Variants in BRCC3 observed in about 807,000 individuals in gnomAD.
BRCC3 encodes lys-63-specific deubiquitinase BRCC36.
Under a neutral mutation model 28.0 loss-of-function variants are expected in BRCC3, and 15 were observed. The observed-to-expected ratio is 0.54, with a 90% CI of 0.36 to 0.82. The LOEUF (loss-of-function observed/expected upper bound fraction) is 0.82. BRCC3 is among the 40% of genes least tolerant of loss of function. The probability of loss-of-function intolerance (pLI) is 0.01; values close to 1 mark genes in which losing one functional copy is unlikely to be tolerated. For missense variants in BRCC3, 109 were observed against 225.9 expected (o/e 0.48, Z 3.32); for synonymous variants, 66 against 80.3 (o/e 0.82, Z 0.95).
chrX:155,114,299 C>A (rs1401399989), intron 7 of BRCC3, among the ~76,000 whole-genome samples: 2 of 111,335 alleles, frequency 1.8e-5, no homozygotes, highest in African/African-American at 3.3e-5. Context: ...AAACCTGTTA[C>A]AACCTACAGC....
chrX:155,081,121 A>G (rs1023416940), intron 5 of BRCC3, among the ~76,000 whole-genome samples: 3 of 111,252 alleles, frequency 2.7e-5, no homozygotes, highest in South Asian at 7.6e-4. Context: ...ACTTGAGGTC[A>G]GGAGTTGGAG....
At chrX:155,092,418 C>G (rs782027643) in intron 7 of BRCC3, among the ~76,000 whole-genome samples, 1 of 111,755 alleles carries the variant, frequency 8.9e-6, no homozygotes, top group Admixed American at 9.5e-5. Context: ...ACCATAATTG[C>G]ATTTTCTGTG....
chrX:155,099,165 TAAG>T, intron 7 of BRCC3: 1 of 663,336 alleles, frequency 1.5e-6, no homozygotes, highest in Non-Finnish European at 2.0e-6. Context: ...AAAATTTAAA[TAAG>T]AAATAAAATT....
In BRCC3 at chrX:155,122,160, A is replaced by AAAAC. The variant is rs1165456490; in HGVS notation, c.*962_*965dup. 1.5e-4 allele frequency: 17 copies of AAAAC among 110,471 alleles called. No individual in the cohort carries two copies. Among genetic ancestry groups the AAAAC allele is most frequent in the African/African-American group, 5.6e-4 (17 of 30,359 alleles). The allele number at this position is 110,471 out of a possible 1,213,427, so 9.1% of individuals were successfully genotyped here. A position where few individuals can be genotyped will look rare whatever the true frequency, so the allele number is the denominator to read the frequency against. On this transcript the variant is annotated 3_prime_UTR_variant, in exon 11 of 11. Coordinates refer to ENST00000330045, the MANE Select transcript of BRCC3 (RefSeq NM_001018055.3). ...AAAAAGGCCACAAAACTCAACAATA[A>AAAAC]AAACAAACAGTCCAATTAGAAAATG...
In BRCC3 at chrX:155,120,105, A is replaced by G. The variant is rs1557299252; in HGVS notation, c.831A>G (p.Gln277=). The change falls in exon 10 of 11, where the codon CAA becomes CAG. Residue 277 remains glutamine (Q), a synonymous_variant. Transcript: ENST00000330045. ...EQNQQHLQEL[Q]QEKEELMQEL... Reference sequence around the variant, plus strand: ...ACCAACAGCATTTGCAGGAATTACAACAAGAAAAGGAAGAGCTTATGCAAG... The same window carrying G: ...ACCAACAGCATTTGCAGGAATTACAGCAAGAAAAGGAAGAGCTTATGCAAG... 12 of 1,208,759 alleles carry G rather than the reference A, an allele frequency of 9.9e-6. No homozygotes were observed. The highest frequency in any genetic ancestry group is 1.3e-5 in the Non-Finnish European group (12 of 893,797).
Position 155,122,969 on chromosome X carries a change from A to T in BRCC3, c.*1765A>T, listed in dbSNP as rs782424927. On this transcript the variant is annotated 3_prime_UTR_variant, in exon 11 of 11. Coordinates refer to ENST00000330045, the MANE Select transcript of BRCC3 (RefSeq NM_001018055.3). Reference sequence around the variant, plus strand: ...ATAACATTTGATTATGAGGTTAAGCACATGAGTCTTTACCTGTGCTGAAGT... The same window carrying T: ...ATAACATTTGATTATGAGGTTAAGCTCATGAGTCTTTACCTGTGCTGAAGT... 9.0e-6 allele frequency: 1 copy of T among 111,645 alleles called. No homozygotes were observed. The highest frequency in any genetic ancestry group is 3.8e-4 in the South Asian group (1 of 2,640). The allele number at this position is 111,645 out of a possible 1,213,427, so 9.2% of individuals were successfully genotyped here.
intron 7 of BRCC3, among the ~76,000 whole-genome samples, chrX:155,102,239 C>T (rs1276673140): frequency 9.0e-6 from 1 of 111,467 alleles, no homozygotes; most frequent in African/African-American, 3.3e-5. Context: ...GTATATCTCT[C>T]CATTTATTTA....
chrX:155,079,878 C>T (rs977336781), intron 5 of BRCC3, among the ~76,000 whole-genome samples: 8 of 111,048 alleles, frequency 7.2e-5, no homozygotes, highest in Admixed American at 2.9e-4. Context: ...CCTTTTACCC[C>T]TACTCTTCAC....
intron 9 of BRCC3, among the ~76,000 whole-genome samples, chrX:155,117,024 A>AT (rs1275358726): frequency 8.9e-6 from 1 of 112,296 alleles, no homozygotes; most frequent in Non-Finnish European, 1.9e-5. Flanking sequence ...ACTGGCACAC[A>AT]TTTAACAACC....
intron 3 of BRCC3, among the ~76,000 whole-genome samples, chrX:155,076,824 A>G (rs1189257957): frequency 8.9e-6 from 1 of 111,923 alleles, no homozygotes; most frequent in African/African-American, 3.3e-5. Flanking sequence ...CCACTCAACC[A>G]TGTCGTTAGC....
chrX:155,082,570 C>T (rs1482605764), intron 5 of BRCC3, among the ~76,000 whole-genome samples: 2 of 112,533 alleles, frequency 1.8e-5, no homozygotes, highest in Non-Finnish European at 3.8e-5. Context: ...TATTCTCCCT[C>T]CCTCTCCAAC....
intron 9 of BRCC3, among the ~76,000 whole-genome samples, chrX:155,119,527 T>C (rs1187354335): frequency 8.9e-6 from 1 of 112,298 alleles, no homozygotes; most frequent in Non-Finnish European, 1.9e-5. Flanking sequence ...AAAGAGGAGC[T>C]CTCAGGTGTA....
chrX:155,085,664 ATGG>A (rs2074118410), intron 5 of BRCC3, among the ~76,000 whole-genome samples: 2 of 112,464 alleles, frequency 1.8e-5, no homozygotes, highest in African/African-American at 6.5e-5. Context: ...TGAAACATAC[ATGG>A]TTTCCTGTTG....
At chrX:155,075,529 T>C (rs1471008089) in intron 3 of BRCC3, among the ~76,000 whole-genome samples, 1 of 112,123 alleles carries the variant, frequency 8.9e-6, no homozygotes, top group Non-Finnish European at 1.9e-5. Flanking sequence ...CTTTCCTTCC[T>C]GACCCTTTCT....
chrX:155,073,453 A>C (rs376792067), intron 3 of BRCC3, 22 bp downstream of exon 3: 1 of 1,162,886 alleles, frequency 8.6e-7, no homozygotes, highest in Admixed American at 2.6e-5. Flanking sequence ...AAAATTTTGC[A>C]TGATGGAAAC....
intron 2 of BRCC3, 85 bp downstream of exon 2, chrX:155,072,428 C>A: frequency 1.3e-6 from 1 of 741,356 alleles, no homozygotes. Flanking sequence ...AGTATTGTGT[C>A]CGGATCGTGT....
intron 3 of BRCC3, among the ~76,000 whole-genome samples, chrX:155,073,950 C>T (rs782736972): frequency 5.4e-5 from 6 of 111,450 alleles, no homozygotes; most frequent in African/African-American, 2.0e-4. Context: ...GTTAACGTTT[C>T]CCCCAGTCTG....
At chrX:155,119,567 A>G (rs2074377139) in intron 9 of BRCC3, among the ~76,000 whole-genome samples, 1 of 112,456 alleles carries the variant, frequency 8.9e-6, no homozygotes, top group Non-Finnish European at 1.9e-5. Context: ...TGCAATATAC[A>G]TAACAGTTTA....
chrX:155,095,011 T>A (rs781807281), intron 7 of BRCC3, among the ~76,000 whole-genome samples: 1 of 112,386 alleles, frequency 8.9e-6, no homozygotes, highest in East Asian at 2.8e-4. Context: ...ATCCTTTATA[T>A]GAAATACTTT....
Sources: allele counts gnomAD v4.1 joint callset (sites outside exome capture counted in the v4.1 genomes callset), GRCh38; gene constraint gnomAD v4.1.1; transcripts MANE v1.5; gene names NCBI Gene and HGNC (gene_info 2026-07-23, HGNC 2026-07-21).